The following ZBTB10 variants were observed in gnomAD, a reference collection of about 807,000 sequenced individuals.
ZBTB10 encodes zinc finger and BTB domain-containing protein 10.
A neutral mutation model predicts 76.4 loss-of-function variants in ZBTB10; 32 were observed. The ratio of observed to expected loss-of-function variants is 0.42; its 90% confidence interval spans 0.32 to 0.56. ZBTB10 has a LOEUF of 0.56. ZBTB10 is among the 20% of genes least tolerant of loss of function. The probability of loss-of-function intolerance (pLI) is 0.14; values close to 1 mark genes in which losing one functional copy is unlikely to be tolerated. For synonymous variants in ZBTB10, 523 were observed against 432.9 expected, an observed-to-expected ratio of 1.21 and a Z score of -2.58; for missense variants, 1,057 against 1,098.5, an observed-to-expected ratio of 0.96 and a Z score of 0.53.
In ZBTB10 at chr8:80,521,472, C is replaced by A. The variant is rs1184132327; in HGVS notation, c.*1944C>A. 1 of 151,418 alleles carries A rather than the reference C, an allele frequency of 6.6e-6. No homozygotes were observed. Among genetic ancestry groups the A allele is most frequent in the Admixed American group, 6.6e-5 (1 of 15,160 alleles). The allele number at this position is 151,418 out of a possible 1,614,324, so 9.4% of individuals were successfully genotyped here. A position where few individuals can be genotyped will look rare whatever the true frequency, so the allele number is the denominator to read the frequency against. Reference sequence around the variant, plus strand: ...AAGATTTCTTTCATCCCATTTATCCCCTTCCTTTAAATAAACTAGTTTACA... The same window carrying A: ...AAGATTTCTTTCATCCCATTTATCCACTTCCTTTAAATAAACTAGTTTACA... On this transcript the variant is annotated 3_prime_UTR_variant, in exon 6 of 6. Coordinates refer to ENST00000455036, the MANE Select transcript of ZBTB10 (RefSeq NM_001105539.3).
chr8:80,516,682 A>G (rs970885925), intron 3 of ZBTB10, among the ~76,000 whole-genome samples: 2 of 152,256 alleles, frequency 1.3e-5, no homozygotes. Context: ...CGGTGACGGT[A>G]TTCCAAGTAC....
At chr8:80,518,139 TTA>T (rs1461144613) in intron 3 of ZBTB10, among the ~76,000 whole-genome samples, 2 of 152,048 alleles carry the variant, frequency 1.3e-5, no homozygotes. Flanking sequence ...AGTGCTGGGA[TTA>T]TATGCATGAG....
chr8:80,486,052 C>A, upstream of ZBTB10: 1 of 1,029,822 alleles, frequency 9.7e-7, no homozygotes, highest in South Asian at 1.8e-5. Flanking sequence ...CGCGGCCGCA[C>A]CCCCGCCCCC....
intron 3 of ZBTB10, among the ~76,000 whole-genome samples, chr8:80,515,764 C>A (rs1300694447): frequency 6.6e-6 from 1 of 152,142 alleles, no homozygotes; most frequent in Non-Finnish European, 1.5e-5. Context: ...CAAAAACTTA[C>A]ATTGCTTTTT....
intron 1 of ZBTB10, among the ~76,000 whole-genome samples, chr8:80,494,976 C>T (rs1815744077): frequency 6.6e-6 from 1 of 151,278 alleles, no homozygotes; most frequent in South Asian, 2.1e-4. Flanking sequence ...ACAGTATCTG[C>T]AGTCTTCATT....
intron 2 of ZBTB10, among the ~76,000 whole-genome samples, chr8:80,512,028 G>A (rs1488046844): frequency 2.6e-5 from 4 of 151,940 alleles, no homozygotes; most frequent in African/African-American, 9.7e-5. Flanking sequence ...CCGTTCTTAA[G>A]GATTGGGCAA....
At chr8:80,492,493 T>A (rs1248044576) in intron 1 of ZBTB10, among the ~76,000 whole-genome samples, 1 of 152,094 alleles carries the variant, frequency 6.6e-6, no homozygotes, top group East Asian at 1.9e-4. Context: ...AATTTTTTTT[T>A]TTTTGAGATG....
intron 1 of ZBTB10, among the ~76,000 whole-genome samples, chr8:80,496,336 T>A (rs1206709728): frequency 6.6e-6 from 1 of 151,770 alleles, no homozygotes; most frequent in Non-Finnish European, 1.5e-5. Flanking sequence ...AATGATTCAT[T>A]TTTTTTGAAG....
Position 80,487,259 on chromosome 8 carries a change from T to A in ZBTB10, c.449T>A (p.Leu150Ter). The A allele has an allele frequency of 6.4e-7, 1 of 1,552,060 alleles. No homozygotes were observed. The highest frequency in any genetic ancestry group is 8.7e-7 in the Non-Finnish European group (1 of 1,149,782). ...RGRPETSVWP[L>*]RHFNGRGPAT... ...CGCCCCGAGACCTCGGTGTGGCCCTTGAGGCATTTCAATGGGCGAGGGCCG... is the reference window on the plus strand; with the variant it reads ...CGCCCCGAGACCTCGGTGTGGCCCTAGAGGCATTTCAATGGGCGAGGGCCG... The change falls in exon 1 of 6, where the codon TTG (leucine) becomes TAG (stop). Residue 150 changes from leucine (L) to a stop codon, truncating the protein, a stop_gained. Transcript: ENST00000455036. LOFTEE classifies it high-confidence loss of function.
At chr8:80,500,647 A>G (rs1181123995) in intron 2 of ZBTB10, among the ~76,000 whole-genome samples, 1 of 152,202 alleles carries the variant, frequency 6.6e-6, no homozygotes, top group Non-Finnish European at 1.5e-5. Context: ...ACTCTGCTGC[A>G]TGTACGGGTC....
rs1816431535 is a variant in ZBTB10 at position 80,520,728 on chromosome 8, A to G, written c.*1200A>G. On this transcript the variant is annotated 3_prime_UTR_variant, in exon 6 of 6. Coordinates refer to ENST00000455036, the MANE Select transcript of ZBTB10 (RefSeq NM_001105539.3). ...TGATACAGTCTTTCTAGTAGTCACC[A>G]TGATTCAACAGTCTCAAAAATCTTA... 6.6e-6 allele frequency: 1 copy of G among 152,094 alleles called. No homozygotes were observed. The highest frequency in any genetic ancestry group is 2.4e-5 in the African/African-American group (1 of 41,552). The allele number at this position is 152,094 out of a possible 1,614,324, so 9.4% of individuals were successfully genotyped here.
chr8:80,499,150 C>A lies in ZBTB10; in HGVS notation c.973-344C>A. ...ATAGAGATAAAGCAAACATTTAATT[C>A]CTATAAGAGAAAGTTTCTTTTCTTA... On this transcript the variant is annotated intron_variant, in intron 1 of 5. Coordinates refer to ENST00000455036, the MANE Select transcript of ZBTB10 (RefSeq NM_001105539.3). Among the ~76,000 whole-genome samples the A allele has an allele frequency of 1.3e-5, 2 of 152,014 alleles. 1 individual carries two copies. Among genetic ancestry groups the A allele is most frequent in the East Asian group, 3.8e-4 (2 of 5,196 alleles).
chr8:80,486,816 G>A lies in ZBTB10; in HGVS notation c.6G>A (p.Ser2=). M[S]FSEMNRRTLA... is the part of the protein sequence containing the mutation. ...CGGCGGCGGCGGCGCGCGCCATGTC[G>A]TTCAGTGAAATGAACCGCAGGACGC... The change falls in exon 1 of 6, where the codon TCG becomes TCA. Residue 2 remains serine, a synonymous_variant. Transcript: ENST00000455036. 6 of 1,459,750 alleles carry A rather than the reference G, an allele frequency of 4.1e-6. No homozygotes were observed. Among genetic ancestry groups the A allele is most frequent in the Non-Finnish European group, 5.4e-6 (6 of 1,109,170 alleles). 90.4% of individuals were successfully genotyped at this position (1,459,750 alleles called of 1,614,324 possible).
At chr8:80,502,088 A>G (rs1306844087) in intron 2 of ZBTB10, among the ~76,000 whole-genome samples, 2 of 152,234 alleles carry the variant, frequency 1.3e-5, no homozygotes, top group East Asian at 3.8e-4. Flanking sequence ...TGATTTAAAG[A>G]AAAGCATTAA....
chr8:80,486,622 G>A lies in ZBTB10; in HGVS notation c.-189G>A, dbSNP rs1815463298. 10 of 987,982 alleles carry A rather than the reference G, an allele frequency of 1.0e-5. No homozygotes were observed. The highest frequency in any genetic ancestry group is 1.2e-5 in the Non-Finnish European group (10 of 831,880). The allele number at this position is 987,982 out of a possible 1,614,324, so 61.2% of individuals were successfully genotyped here. On this transcript the variant is annotated 5_prime_UTR_variant, in exon 1 of 6. Transcript: ENST00000455036. ...CGGCCCGGCAGCGGCAGCGGCAGCG[G>A]ACGCGTGCAGCAGACCCGGGAGCGA...
At chr8:80,497,342 A>T (rs1301677770) in intron 1 of ZBTB10, among the ~76,000 whole-genome samples, 1 of 152,136 alleles carries the variant, frequency 6.6e-6, no homozygotes, top group African/African-American at 2.4e-5. Flanking sequence ...CCAAAAACAA[A>T]AATAAGGGTA....
chr8:80,485,732 G>A, upstream of ZBTB10: 1 of 1,500,596 alleles, frequency 6.7e-7, no homozygotes, highest in South Asian at 1.2e-5. Flanking sequence ...CAGTCTTTGT[G>A]AAGGAACAAA....
At chr8:80,506,559 T>G (rs901302958) in intron 2 of ZBTB10, among the ~76,000 whole-genome samples, 1 of 117,258 alleles carries the variant, frequency 8.5e-6, no homozygotes, top group Non-Finnish European at 1.7e-5. Context: ...CCTCAGGTGA[T>G]CCACCCCCCC....
intron 1 of ZBTB10, among the ~76,000 whole-genome samples, chr8:80,496,191 T>C (rs1815777418): frequency 6.6e-6 from 1 of 152,218 alleles, no homozygotes; most frequent in Non-Finnish European, 1.5e-5. Flanking sequence ...ATTTTGTCTC[T>C]GGCACTAAGA....
Sources: allele counts gnomAD v4.1 joint callset (sites outside exome capture counted in the v4.1 genomes callset), GRCh38; gene constraint gnomAD v4.1.1; transcripts MANE v1.5; gene names NCBI Gene and HGNC (gene_info 2026-07-23, HGNC 2026-07-21).